Variants in RAD51AP2 observed in about 807,000 individuals in gnomAD.
RAD51AP2 encodes RAD51 associated protein 2.
In RAD51AP2, 67 loss-of-function variants were observed where a neutral mutation model predicts 85.5. That is an observed-to-expected ratio of 0.78 (90% confidence interval 0.64 to 0.96). The LOEUF (loss-of-function observed/expected upper bound fraction) is 0.96. RAD51AP2 is among the 40% of genes least tolerant of loss of function. The pLI, the probability that RAD51AP2 is intolerant of heterozygous loss-of-function variation, is 0.00. For synonymous variants in RAD51AP2, 474 were observed against 446.5 expected (o/e 1.06, Z -0.78); for missense variants, 1,307 against 1,332.4 (o/e 0.98, Z 0.30).
rs1662665400 is a variant in RAD51AP2, at chr2:17,516,350, G to A, written c.2066C>T (p.Pro689Leu). The change falls in exon 1 of 3, where the codon CCC becomes CTC. Residue 689 changes from proline to leucine, a missense_variant. This residue lies in a region of RAD51AP2 where 668 missense variants were observed against 671.0 expected (regional missense o/e 1.00). Transcript: ENST00000399080. ...FPIFETYEKI[P>L]LLMDFDDMDE... ...CATGTCATCAAAGTCCATTAAAAGG[G>A]GAATTTTTTCATATGTTTCAAAAAT... is the stretch of plus-strand genomic sequence containing the variant. 1 of 1,611,518 alleles carries A rather than the reference G, an allele frequency of 6.2e-7. No individual in the cohort carries two copies. The highest frequency in any genetic ancestry group is 1.7e-4 in the Middle Eastern group (1 of 6,058).
chr2:17,518,120 A>G lies in RAD51AP2; in HGVS notation c.296T>C (p.Ile99Thr). The G allele has an allele frequency of 6.2e-7, 1 of 1,614,236 alleles. No individual in the cohort carries two copies. Among genetic ancestry groups the G allele is most frequent in the African/African-American group, 1.3e-5 (1 of 75,058 alleles). The change falls in exon 1 of 3, where the codon ATA (isoleucine) becomes ACA (threonine). Residue 99 changes from isoleucine to threonine, a missense_variant. Coordinates refer to ENST00000399080, the MANE Select transcript of RAD51AP2 (RefSeq NM_001099218.3). ...CVEKSVSGKQ[I>T]CNLKCSNLKF... ...GAGATTTGAGCATTTCAGATTACAT[A>G]TCTGCTTCCCACTGACTGATTTCTC...
chr2:17,520,779 C>T (rs1485209058), upstream of RAD51AP2, among the ~76,000 whole-genome samples: 1 of 149,970 alleles, frequency 6.7e-6, no homozygotes, highest in Admixed American at 6.6e-5. Context: ...AAACAATTTG[C>T]CCCCATGCTG....
rs1363870083 is a variant in RAD51AP2, at chr2:17,515,807, A to G, written c.2609T>C (p.Met870Thr). 1 of 1,605,672 alleles carries G rather than the reference A, an allele frequency of 6.2e-7. No homozygotes were observed. Among genetic ancestry groups the G allele is most frequent in the Non-Finnish European group, 8.5e-7 (1 of 1,174,344 alleles). The change falls in exon 1 of 3, where the codon ATG becomes ACG. Residue 870 changes from methionine (M) to threonine (T), a missense_variant. Met to Thr is a moderately conservative substitution (Grantham distance 81, BLOSUM62 -1). Transcript: ENST00000399080. Reference protein sequence around the residue: ...EKDSFFPMDDMFSVQSVSLIS... With the variant: ...EKDSFFPMDDTFSVQSVSLIS... ...TAATGAAACTGACTGTACAGAAAACATGTCATCCATTGGAAAAAAACTATC... is the reference window on the plus strand; with the variant it reads ...TAATGAAACTGACTGTACAGAAAACGTGTCATCCATTGGAAAAAAACTATC...
intron 1 of RAD51AP2, among the ~76,000 whole-genome samples, chr2:17,514,633 C>G (rs1265524600): frequency 6.6e-6 from 1 of 151,888 alleles, no homozygotes; most frequent in Non-Finnish European, 1.5e-5. Context: ...AGCTGGGTGT[C>G]GTGGCAGTCG....
Position 17,515,845 on chromosome 2 carries a change from TTCTA to T in RAD51AP2, c.2567_2570del (p.Ile856LysfsTer22), listed in dbSNP as rs752907258. 1.4e-5 allele frequency: 22 copies of T among 1,610,104 alleles called. No homozygotes were observed. The highest frequency in any genetic ancestry group is 1.8e-5 in the Non-Finnish European group (21 of 1,177,658). ...GAAAAAAACTATCTTTCTCTTCCTT[TTCTA>T]TCTTAGTATCTTTGTGAACTTGGCA... On this transcript the variant is annotated frameshift_variant, in exon 1 of 3. Coordinates refer to ENST00000399080, the MANE Select transcript of RAD51AP2 (RefSeq NM_001099218.3). LOFTEE classifies it high-confidence loss of function.
At chr2:17,520,818 C>T (rs779556921), upstream of RAD51AP2, among the ~76,000 whole-genome samples, 81 of 150,050 alleles carry the variant, frequency 5.4e-4, 1 homozygote, top group Middle Eastern at 0.027. Flanking sequence ...TTTTCTTGCT[C>T]TTTTATGTAT....
chr2:17,521,868 C>T (rs193286943), upstream of RAD51AP2, among the ~76,000 whole-genome samples: 1 of 151,914 alleles, frequency 6.6e-6, no homozygotes, highest in African/African-American at 2.4e-5. Flanking sequence ...AACTTTTTCT[C>T]TTTTTTTGTT....
intron 2 of RAD51AP2, among the ~76,000 whole-genome samples, chr2:17,512,800 AT>A (rs1662529790): frequency 6.6e-6 from 1 of 152,296 alleles, no homozygotes; most frequent in African/African-American, 2.4e-5. Flanking sequence ...TACTTCCTTC[AT>A]CCCGGGGAGA....
At chr2:17,512,762 T>C (rs1468700927) in intron 2 of RAD51AP2, among the ~76,000 whole-genome samples, 1 of 152,216 alleles carries the variant, frequency 6.6e-6, no homozygotes, top group Non-Finnish European at 1.5e-5. Flanking sequence ...ATACTACTTT[T>C]TGACTCATGG....
In RAD51AP2 at chr2:17,515,621, T is replaced by G. The variant is rs1411437630; in HGVS notation, c.2795A>C (p.Glu932Ala). 6.2e-7 allele frequency: 1 copy of G among 1,612,060 alleles called. No individual in the cohort carries two copies. ...DSALYINHQF[E>A]TGLSEGNDEC... Reference sequence around the variant, plus strand: ...ATCATTCCCTTCACTCAGACCAGTTTCAAATTGATGATTAATATATAATGC... The same window carrying G: ...ATCATTCCCTTCACTCAGACCAGTTGCAAATTGATGATTAATATATAATGC... The change falls in exon 1 of 3, where the codon GAA becomes GCA. Residue 932 changes from glutamate (E) to alanine (A), a missense_variant. Physicochemically the swap from Glu to Ala is moderately radical, Grantham distance 107 (BLOSUM62 -1). Transcript: ENST00000399080.
chr2:17,518,498 C>T, upstream of RAD51AP2: 3 of 1,493,656 alleles, frequency 2.0e-6, no homozygotes, highest in Non-Finnish European at 2.7e-6. Context: ...CTGGTCACGC[C>T]CCTGACCCGC....
chr2:17,530,239 G>T, the RAD51AP2 span, among the ~76,000 whole-genome samples: 2 of 152,148 alleles, frequency 1.3e-5, no homozygotes, highest in Admixed American at 1.3e-4. Context: ...GGACCAAAAA[G>T]AAATATTCAG....
upstream of RAD51AP2, among the ~76,000 whole-genome samples, chr2:17,523,063 G>A (rs1358744758): frequency 6.6e-6 from 1 of 151,818 alleles, no homozygotes; most frequent in East Asian, 1.9e-4. Context: ...TGTGTAATAT[G>A]AGCAAATTAT....
upstream of RAD51AP2, among the ~76,000 whole-genome samples, chr2:17,520,210 A>G (rs569865009): frequency 5.9e-5 from 9 of 152,336 alleles, no homozygotes; most frequent in East Asian, 1.7e-3. Context: ...AGACCAAAAA[A>G]AGAGTCTTTT....
chr2:17,525,896 G>A, the RAD51AP2 span, among the ~76,000 whole-genome samples: 1 of 152,002 alleles, frequency 6.6e-6, no homozygotes, highest in Non-Finnish European at 1.5e-5. Flanking sequence ...CAGCAGCTGG[G>A]CTTGGAATAT....
rs767910615 is a variant in RAD51AP2, at chr2:17,516,363, A to G, written c.2053T>C (p.Tyr685His). Residue 685 changes from tyrosine (Y) to histidine (H), a missense_variant, in exon 1 of 3, where the codon TAT becomes CAT. Around this residue, in one of 3 missense-constraint regions of RAD51AP2, gnomAD observed 668 missense variants for 671.0 expected, o/e 1.00. Coordinates refer to ENST00000399080, the MANE Select transcript of RAD51AP2 (RefSeq NM_001099218.3). Reference protein sequence around the residue: ...QNTGFPIFETYEKIPLLMDFD... With the variant: ...QNTGFPIFETHEKIPLLMDFD... ...TCCATTAAAAGGGGAATTTTTTCAT[A>G]TGTTTCAAAAATCGGAAAACCTGTA... 5 of 1,611,750 alleles carry G rather than the reference A, an allele frequency of 3.1e-6. No individual in the cohort carries two copies. The African/African-American group carries it at 4.0e-5, about 13-fold the overall frequency.
At chr2:17,532,079 C>G in the RAD51AP2 span, among the ~76,000 whole-genome samples, 2 of 152,174 alleles carry the variant, frequency 1.3e-5, no homozygotes, top group Non-Finnish European at 2.9e-5. Flanking sequence ...GAAAAGAAAA[C>G]TCTTTCTATT....
At position 17,515,434 on chromosome 2, in the gene RAD51AP2, G is replaced by T. The variant is rs1262829785; in HGVS notation, c.2982C>A (p.Asn994Lys). The T allele has an allele frequency of 3.1e-6, 5 of 1,612,642 alleles. No individual in the cohort carries two copies. The highest frequency in any genetic ancestry group is 4.2e-6 in the Non-Finnish European group (5 of 1,179,706). ...CTCCAAAGTAATTTTCTTGCCCATT[G>T]TTTGTTTCCACAGTGCTTAGAAGTT... Reference protein sequence around the residue: ...ENELLSTVETNNGQENYFGEN... With the variant: ...ENELLSTVETKNGQENYFGEN... Residue 994 changes from asparagine to lysine, a missense_variant, in exon 1 of 3, where the codon AAC (asparagine) becomes AAA (lysine). Around this residue, in one of 3 missense-constraint regions of RAD51AP2, gnomAD observed 668 missense variants for 671.0 expected, o/e 1.00. Transcript: ENST00000399080.
chr2:17,519,828 ATT>A (rs1243934090), upstream of RAD51AP2, among the ~76,000 whole-genome samples: 2 of 152,148 alleles, frequency 1.3e-5, no homozygotes, highest in Non-Finnish European at 2.9e-5. Context: ...ACAAATCTAT[ATT>A]CTTTTCTAAT....
Sources: gnomAD v4.1 joint callset for allele counts (sites outside exome capture counted in the v4.1 genomes callset) on GRCh38, gnomAD v4.1.1 for gene constraint, gnomAD v4.1.1 regional missense constraint, MANE v1.5 for transcripts, NCBI Gene and HGNC (gene_info 2026-07-23, HGNC 2026-07-21) for gene names.